ERC2: variants seen among roughly 807,000 people sequenced by gnomAD.
ERC2 encodes ELKS/RAB6-interacting/CAST family member 2.
Under a neutral mutation model 114.8 loss-of-function variants are expected in ERC2, and 42 were observed. That is an observed-to-expected ratio of 0.37 (90% confidence interval 0.29 to 0.47). The LOEUF (loss-of-function observed/expected upper bound fraction) is 0.47. Among genes scored for constraint, ERC2 ranks in the 20% least tolerant of loss-of-function variants. The pLI is 0.99. For missense variants in ERC2, 939 were observed against 1,150.7 expected (o/e 0.82, Z 2.66); for synonymous variants, 454 against 425.5 (o/e 1.07, Z -0.82).
intron 14 of ERC2, among the ~76,000 whole-genome samples, chr3:55,844,156 A>G (rs1215442346): frequency 1.3e-5 from 2 of 152,170 alleles, no homozygotes; most frequent in Non-Finnish European, 2.9e-5. Context: ...GTCTACCACT[A>G]CTGTTGAAAG....
chr3:55,798,610 AAAG>A (rs1156437013), intron 14 of ERC2, among the ~76,000 whole-genome samples: 2 of 151,976 alleles, frequency 1.3e-5, no homozygotes, highest in African/African-American at 2.4e-5. Context: ...AAAAAAAAAA[AAAG>A]AAAGAAAGAA....
chr3:55,808,701 TTATATATATATATATA>T lies in ERC2; in HGVS notation c.2565-73799_2565-73784del, dbSNP rs377604698. Among the ~76,000 whole-genome samples, 188 of 61,730 alleles carry T rather than the reference TTATATATATATATATA, an allele frequency of 3.0e-3. 3 individuals carry two copies. Among genetic ancestry groups the T allele is most frequent in the Middle Eastern group, 0.01 (1 of 100 alleles). The allele number at this position is 61,730 out of a possible 152,430, so 40.5% of individuals were successfully genotyped here. On this transcript the variant is annotated intron_variant, in intron 14 of 17. Coordinates refer to ENST00000288221, the MANE Select transcript of ERC2 (RefSeq NM_015576.3). Reference sequence around the variant, plus strand: ...AATAATATATTATTATACCATAATTTTATATATATATATATATATATATATATATATATATATATAT... The same window carrying T: ...AATAATATATTATTATACCATAATTTTATATATATATATATATATATATAT...
chr3:55,919,878 C>A (rs1159699942), intron 13 of ERC2, among the ~76,000 whole-genome samples: 2 of 152,062 alleles, frequency 1.3e-5, no homozygotes, highest in Non-Finnish European at 2.9e-5. Flanking sequence ...GCCTCCTGTG[C>A]GTTCAAGGAA....
Position 55,661,048 on chromosome 3 carries a change from T to A in ERC2, c.*39+22746A>T, listed in dbSNP as rs1251657303. ...AAGTAAAAAATGCACCAGCTTGTCC[T>A]GTGGGCCAAGTCTCACACACAGATG... On this transcript the variant is annotated intron_variant, in intron 17 of 17. Transcript: ENST00000288221. Among the ~76,000 whole-genome samples the A allele has an allele frequency of 2.0e-5, 3 of 152,358 alleles. No individual in the cohort carries two copies. The East Asian group carries it at 5.8e-4, about 29-fold the overall frequency.
chr3:56,106,704 G>A (rs529247729), intron 6 of ERC2, among the ~76,000 whole-genome samples: 1 of 152,226 alleles, frequency 6.6e-6, no homozygotes, highest in East Asian at 1.9e-4. Flanking sequence ...AGCAGCCCTG[G>A]GGTGTTCTTT....
At chr3:55,561,803 A>G (rs1041982757) in intron 17 of ERC2, among the ~76,000 whole-genome samples, 1 of 152,158 alleles carries the variant, frequency 6.6e-6, no homozygotes, top group Non-Finnish European at 1.5e-5. Flanking sequence ...GACCTGGTCT[A>G]TTAAAATGCA....
In ERC2 at chr3:55,850,999, A is replaced by G. The variant is rs190371718; in HGVS notation, c.2564+37390T>C. Among the ~76,000 whole-genome samples, 5 of 152,118 alleles carry G rather than the reference A, an allele frequency of 3.3e-5. No homozygotes were observed. The East Asian group carries it at 9.7e-4, about 30-fold the overall frequency. On this transcript the variant is annotated intron_variant, in intron 14 of 17. Coordinates refer to ENST00000288221, the MANE Select transcript of ERC2 (RefSeq NM_015576.3). ...TTTGCCTTCCAAGTCTGATTGACAGAGCAAGACTGGATCCCATCAAATAGC... is the reference window on the plus strand; with the variant it reads ...TTTGCCTTCCAAGTCTGATTGACAGGGCAAGACTGGATCCCATCAAATAGC...
chr3:55,806,738 C>CA (rs60323757), intron 14 of ERC2, among the ~76,000 whole-genome samples: 1 of 152,176 alleles, frequency 6.6e-6, no homozygotes, highest in African/African-American at 2.4e-5. Context: ...GCTGAGAAAG[C>CA]TTGACTCGAA....
At chr3:55,964,543 G>A (rs1465982424) in intron 12 of ERC2, among the ~76,000 whole-genome samples, 5 of 151,832 alleles carry the variant, frequency 3.3e-5, no homozygotes, top group African/African-American at 1.2e-4. Flanking sequence ...TCTGAGGTGT[G>A]GCTTACTGGA....
intron 2 of ERC2, among the ~76,000 whole-genome samples, chr3:56,306,927 T>C (rs2056262747): frequency 6.6e-6 from 1 of 152,150 alleles, no homozygotes; most frequent in African/African-American, 2.4e-5. Context: ...AAATCATAAC[T>C]TCAGTGGCAA....
chr3:56,043,312 A>G (rs937998408), intron 7 of ERC2, among the ~76,000 whole-genome samples: 3 of 152,228 alleles, frequency 2.0e-5, no homozygotes, highest in Admixed American at 6.5e-5. Flanking sequence ...TGTGTGTGGC[A>G]AAAGTACATT....
At chr3:55,984,559 C>T (rs904206961) in intron 12 of ERC2, among the ~76,000 whole-genome samples, 2 of 152,138 alleles carry the variant, frequency 1.3e-5, no homozygotes, top group Admixed American at 1.3e-4. Context: ...GGTTTGGATG[C>T]ATGTTTCTAA....
rs573717217 is a variant in ERC2, at chr3:56,142,170, A to G, written c.1306-2494T>C. 2.6e-5 allele frequency among the ~76,000 whole-genome samples: 4 copies of G among 152,256 alleles called. No homozygotes were observed. The East Asian group carries it at 7.7e-4, about 29-fold the overall frequency. ...CAGTGTTGATACATTTTTTTCCCCA[A>G]AGAATTTTTTGTTTCATCTAAATTT... On this transcript the variant is annotated intron_variant, in intron 5 of 17. Coordinates refer to ENST00000288221, the MANE Select transcript of ERC2 (RefSeq NM_015576.3).
intron 4 of ERC2, among the ~76,000 whole-genome samples, chr3:56,158,233 C>T (rs2081846166): frequency 6.6e-6 from 1 of 152,208 alleles, no homozygotes; most frequent in African/African-American, 2.4e-5. Flanking sequence ...CCAGTGGGGA[C>T]AAGTGACTTG....
intron 14 of ERC2, among the ~76,000 whole-genome samples, chr3:55,857,855 C>T (rs1195249689): frequency 6.6e-6 from 1 of 152,188 alleles, no homozygotes; most frequent in Non-Finnish European, 1.5e-5. Flanking sequence ...ACCCTCATCT[C>T]TGAAATGGTT....
In ERC2 at chr3:55,844,190, T is replaced by C. The variant is rs2061255629; in HGVS notation, c.2564+44199A>G. ...AGGTTGAACATATGCATTCTACATA[T>C]GCCTTTCTACTCCTTGGTATATCTG... is the stretch of plus-strand genomic sequence containing the variant. On this transcript the variant is annotated intron_variant, in intron 14 of 17. Coordinates refer to ENST00000288221, the MANE Select transcript of ERC2 (RefSeq NM_015576.3). Among the ~76,000 whole-genome samples the C allele has an allele frequency of 2.6e-5, 4 of 152,234 alleles. No homozygotes were observed. In the South Asian group the frequency reaches 8.3e-4, roughly 31 times the overall value.
chr3:56,401,428 C>A (rs1330636778), intron 2 of ERC2, among the ~76,000 whole-genome samples: 1 of 152,146 alleles, frequency 6.6e-6, no homozygotes, highest in Admixed American at 6.5e-5. Context: ...GTAAATTATG[C>A]TCTGTAACCC....
chr3:56,003,040 T>A, intron 10 of ERC2: 1 of 1,207,444 alleles, frequency 8.3e-7, no homozygotes, highest in Non-Finnish European at 1.1e-6. Flanking sequence ...CCGTGACTGG[T>A]GATCAATGGA....
rs180877998 is a variant in ERC2, at chr3:55,937,264, A to T, written c.2403+13161T>A. Among the ~76,000 whole-genome samples, 8 of 152,322 alleles carry T rather than the reference A, an allele frequency of 5.3e-5. No individual in the cohort carries two copies. The East Asian group carries it at 1.5e-3, about 29-fold the overall frequency. ...CTTGGAAGTCTGAGACAGGCGAATCACTTGAACCTGGGAGGCGGAGGTTGC... is the reference window on the plus strand; with the variant it reads ...CTTGGAAGTCTGAGACAGGCGAATCTCTTGAACCTGGGAGGCGGAGGTTGC... On this transcript the variant is annotated intron_variant, in intron 13 of 17. Coordinates refer to ENST00000288221, the MANE Select transcript of ERC2 (RefSeq NM_015576.3).
Sources: allele counts gnomAD v4.1 joint callset (sites outside exome capture counted in the v4.1 genomes callset), GRCh38; gene constraint gnomAD v4.1.1; transcripts MANE v1.5; gene names NCBI Gene and HGNC (gene_info 2026-07-23, HGNC 2026-07-21).